Variants in OR2A5 observed in about 807,000 individuals in gnomAD.
OR2A5 encodes the protein olfactory receptor family 2 subfamily A member 5.
OR2A5 carries 2 observed loss-of-function variants against 1.9 expected under a neutral mutation model. That is an observed-to-expected ratio of 1.04 (90% CI 0.43 to 3.28). The LOEUF is 3.28. Among genes scored for constraint, OR2A5 ranks in the 30% most tolerant of loss-of-function variants. The probability of loss-of-function intolerance (pLI) is 0.08; values close to 1 mark genes in which losing one functional copy is unlikely to be tolerated. For missense variants in OR2A5, 391 were observed against 375.9 expected, an observed-to-expected ratio of 1.04 and a Z score of -0.33; for synonymous variants, 160 against 154.5, an observed-to-expected ratio of 1.04 and a Z score of -0.26.
chr7:144,049,785 CA>C, intron 1 of OR2A5, among the ~76,000 whole-genome samples: 1 of 152,198 alleles, frequency 6.6e-6, no homozygotes, highest in East Asian at 1.9e-4. Context: ...GGAAGTAAAA[CA>C]TTTAATGCAA....
In OR2A5 at chr7:144,052,082, CA is replaced by C. The variant is rs1358515214; in HGVS notation, c.*747del. 6.6e-6 allele frequency: 1 copy of C among 152,120 alleles called. No individual in the cohort carries two copies. The highest frequency in any genetic ancestry group is 1.5e-5 in the Non-Finnish European group (1 of 68,036). The allele number at this position is 152,120 out of a possible 1,614,324, so 9.4% of individuals were successfully genotyped here. ...AGATCGCAAAGCCGGGTGTAGGTGA[CA>C]ATTTATCATTACGGTGATTACATAA... On this transcript the variant is annotated 3_prime_UTR_variant, in exon 2 of 2. Coordinates refer to ENST00000641693, the MANE Select transcript of OR2A5 (RefSeq NM_012365.2).
chr7:144,058,395 CAT>C lies in OR2A5; in HGVS notation c.*7059_*7060del, dbSNP rs1396964629. On this transcript the variant is annotated 3_prime_UTR_variant, in exon 2 of 2. Coordinates refer to ENST00000641693, the MANE Select transcript of OR2A5 (RefSeq NM_012365.2). ...TTATACTTTCATTTATTGATGGACA[CAT>C]GTTGTATTAGTCTGTTCTCATGCTG... 6.6e-6 allele frequency: 1 copy of C among 152,016 alleles called. No individual in the cohort carries two copies. Among genetic ancestry groups the C allele is most frequent in the African/African-American group, 2.4e-5 (1 of 41,366 alleles). 9.4% of individuals were successfully genotyped at this position (152,016 alleles called of 1,614,324 possible). A position where few individuals can be genotyped will look rare whatever the true frequency, so the allele number is the denominator to read the frequency against.
rs1249424111 is a variant in OR2A5 at position 144,058,273 on chromosome 7, A to G, written c.*6936A>G. The G allele has an allele frequency of 6.6e-6, 1 of 152,218 alleles. No individual in the cohort carries two copies. Among genetic ancestry groups the G allele is most frequent in the East Asian group, 1.9e-4 (1 of 5,198 alleles). The allele number at this position is 152,218 out of a possible 1,614,324, so 9.4% of individuals were successfully genotyped here. A position where few individuals can be genotyped will look rare whatever the true frequency, so the allele number is the denominator to read the frequency against. ...TGCCTGGCTTGTTTCACTTAAGATA[A>G]TGATCTCTAGTTTCATCCATCTTGT... is the stretch of plus-strand genomic sequence containing the variant. On this transcript the variant is annotated 3_prime_UTR_variant, in exon 2 of 2. Coordinates refer to ENST00000641693, the MANE Select transcript of OR2A5 (RefSeq NM_012365.2).
In OR2A5 at chr7:144,054,293, A is replaced by G. The variant is rs1394115408; in HGVS notation, c.*2956A>G. ...AGATGTGGCTAACAAGGTTTCAGCT[A>G]GGTGCCTTATATAACTTTTATGAAT... On this transcript the variant is annotated 3_prime_UTR_variant, in exon 2 of 2. Transcript: ENST00000641693. The G allele has an allele frequency of 6.6e-6, 1 of 152,236 alleles. No individual in the cohort carries two copies. The highest frequency in any genetic ancestry group is 2.4e-5 in the African/African-American group (1 of 41,458). The allele number at this position is 152,236 out of a possible 1,614,324, so 9.4% of individuals were successfully genotyped here. A position where few individuals can be genotyped will look rare whatever the true frequency, so the allele number is the denominator to read the frequency against.
Position 144,051,248 on chromosome 7 carries a change from C to T in OR2A5, c.847C>T (p.Pro283Ser). The change falls in exon 2 of 2, where the codon CCG becomes TCG. Residue 283 changes from proline to serine, a missense_variant. Pro to Ser is a moderately conservative substitution (Grantham distance 74, BLOSUM62 -1). Transcript: ENST00000641693. ...TTCCCTGTTTTACAGCCTTTTCAAC[C>T]CGATGCTGAACCCCTTGATCTATAG... ...VLSLFYSLFN[P>S]MLNPLIYSLR... 3.1e-6 allele frequency: 5 copies of T among 1,613,916 alleles called. No homozygotes were observed. The highest frequency in any genetic ancestry group is 4.2e-6 in the Non-Finnish European group (5 of 1,179,862).
chr7:144,054,250 T>G lies in OR2A5; in HGVS notation c.*2913T>G, dbSNP rs900639266. The G allele has an allele frequency of 6.6e-6, 1 of 152,190 alleles. No individual in the cohort carries two copies. The highest frequency in any genetic ancestry group is 1.5e-5 in the Non-Finnish European group (1 of 68,034). 9.4% of individuals were successfully genotyped at this position (152,190 alleles called of 1,614,324 possible). A position where few individuals can be genotyped will look rare whatever the true frequency, so the allele number is the denominator to read the frequency against. On this transcript the variant is annotated 3_prime_UTR_variant, in exon 2 of 2. Coordinates refer to ENST00000641693, the MANE Select transcript of OR2A5 (RefSeq NM_012365.2). ...AGGAATAATATAGCCTCCTCAATCC[T>G]GAGTTTTATTTTAGGTCAGATGTGG...
chr7:144,057,482 A>G lies in OR2A5; in HGVS notation c.*6145A>G, dbSNP rs533596686. The stretch of plus-strand genomic sequence containing the variant: ...AGCACAGAACATTAAGGAGGAAAAG[A>G]AAATAATAAAACCTTCAGAGAATAA... On this transcript the variant is annotated 3_prime_UTR_variant, in exon 2 of 2. Coordinates refer to ENST00000641693, the MANE Select transcript of OR2A5 (RefSeq NM_012365.2). 3.3e-5 allele frequency: 5 copies of G among 152,292 alleles called. No homozygotes were observed. Among genetic ancestry groups the G allele is most frequent in the Admixed American group, 2.0e-4 (3 of 15,300 alleles). 9.4% of individuals were successfully genotyped at this position (152,292 alleles called of 1,614,324 possible).
chr7:144,050,302 C>A (rs2050890329), intron 1 of OR2A5, 49 bp from the exon 2 acceptor site: 3 of 773,338 alleles, frequency 3.9e-6, no homozygotes, highest in Admixed American at 5.1e-5. Flanking sequence ...GCACCATAAA[C>A]CCCCTCCTTC....
In OR2A5 at chr7:144,051,077, T is replaced by C. The variant is rs2128797257; in HGVS notation, c.676T>C (p.Leu226=). 6.2e-7 allele frequency: 1 copy of C among 1,614,220 alleles called. No homozygotes were observed. Among genetic ancestry groups the C allele is most frequent in the Non-Finnish European group, 8.5e-7 (1 of 1,180,052 alleles). ...VSYSRILAAI[L]RIQSGEGRRK... is the part of the protein sequence containing the mutation. ...CTACTCGCGCATCCTGGCGGCCATC[T>C]TGAGGATCCAGTCTGGGGAGGGCCG... The change falls in exon 2 of 2, where the codon TTG becomes CTG. Residue 226 remains leucine, a synonymous_variant. Coordinates refer to ENST00000641693, the MANE Select transcript of OR2A5 (RefSeq NM_012365.2).
At chr7:144,049,649 A>G (rs10245721) in intron 1 of OR2A5, among the ~76,000 whole-genome samples, 3,669 of 152,328 alleles carry the variant, frequency 0.024, 142 homozygotes, top group African/African-American at 0.083. Flanking sequence ...AACTCTTCAC[A>G]TAGATAACCA....
In OR2A5 at chr7:144,051,343, G is replaced by A; in HGVS notation, c.*6G>A. On this transcript the variant is annotated 3_prime_UTR_variant, in exon 2 of 2. Transcript: ENST00000641693. The stretch of plus-strand genomic sequence containing the variant: ...GGAAACAGAGATCAAAGTGAGGGAT[G>A]CCAGGGAAAGTCTAGAGGGTTGAAG... 6.3e-7 allele frequency: 1 copy of A among 1,591,018 alleles called. No individual in the cohort carries two copies. The highest frequency in any genetic ancestry group is 8.6e-7 in the Non-Finnish European group (1 of 1,167,814).
In OR2A5 at chr7:144,053,545, G is replaced by A. The variant is rs2050919542; in HGVS notation, c.*2208G>A. ...TCCACTTAATAGATAAGTAAACAAA[G>A]TTCAGAATGATTTAATAACTTATCC... On this transcript the variant is annotated 3_prime_UTR_variant, in exon 2 of 2. Transcript: ENST00000641693. The A allele has an allele frequency of 6.7e-6, 1 of 150,232 alleles. No individual in the cohort carries two copies. Among genetic ancestry groups the A allele is most frequent in the Non-Finnish European group, 1.5e-5 (1 of 67,672 alleles). The allele number at this position is 150,232 out of a possible 1,614,324, so 9.3% of individuals were successfully genotyped here. A position where few individuals can be genotyped will look rare whatever the true frequency, so the allele number is the denominator to read the frequency against.
In OR2A5 at chr7:144,051,005, G is replaced by GC; in HGVS notation, c.605dup (p.Ser203PhefsTer66). 9 of 1,613,988 alleles carry GC rather than the reference G, an allele frequency of 5.6e-6. No homozygotes were observed. Among genetic ancestry groups the GC allele is most frequent in the Non-Finnish European group, 7.6e-6 (9 of 1,179,996 alleles). ...GCTCAACCAGGTGGTCATCTTTGCT[G>GC]CTTCAGTGTTCATCCTGGTGGGGCC... is the stretch of plus-strand genomic sequence containing the variant. On this transcript the variant is annotated frameshift_variant, in exon 2 of 2. Transcript: ENST00000641693. LOFTEE classifies it high-confidence loss of function.
chr7:144,057,919 A>G lies in OR2A5; in HGVS notation c.*6582A>G, dbSNP rs1307203113. 1 of 152,246 alleles carries G rather than the reference A, an allele frequency of 6.6e-6. No individual in the cohort carries two copies. Among genetic ancestry groups the G allele is most frequent in the Non-Finnish European group, 1.5e-5 (1 of 68,044 alleles). 9.4% of individuals were successfully genotyped at this position (152,246 alleles called of 1,614,324 possible). A position where few individuals can be genotyped will look rare whatever the true frequency, so the allele number is the denominator to read the frequency against. ...ACCAATGAATAATTAAATCACGGTAAAGCTCTTGACTTGACTAGAAAGGTG... is the reference window on the plus strand; with the variant it reads ...ACCAATGAATAATTAAATCACGGTAGAGCTCTTGACTTGACTAGAAAGGTG... On this transcript the variant is annotated 3_prime_UTR_variant, in exon 2 of 2. Transcript: ENST00000641693.
chr7:144,053,846 G>T lies in OR2A5; in HGVS notation c.*2509G>T, dbSNP rs552579854. 2.0e-5 allele frequency: 3 copies of T among 152,176 alleles called. No individual in the cohort carries two copies. The highest frequency in any genetic ancestry group is 4.4e-5 in the Non-Finnish European group (3 of 68,042). 9.4% of individuals were successfully genotyped at this position (152,176 alleles called of 1,614,324 possible). ...AAGAGTAGAAACACTCACATTAGCA[G>T]CATCATCATTTTCCAATAGTAACTC... On this transcript the variant is annotated 3_prime_UTR_variant, in exon 2 of 2. Coordinates refer to ENST00000641693, the MANE Select transcript of OR2A5 (RefSeq NM_012365.2).
chr7:144,051,663 T>C lies in OR2A5; in HGVS notation c.*326T>C, dbSNP rs1586880702. The C allele has an allele frequency of 3.7e-6, 1 of 273,594 alleles. No homozygotes were observed. The highest frequency in any genetic ancestry group is 8.3e-5 in the East Asian group (1 of 12,090). 16.9% of individuals were successfully genotyped at this position (273,594 alleles called of 1,614,324 possible). A position where few individuals can be genotyped will look rare whatever the true frequency, so the allele number is the denominator to read the frequency against. ...ATTCCTCTATTATTTCCATCTCTTT[T>C]TGCCATAAGTATATGCTGGTAATCC... On this transcript the variant is annotated 3_prime_UTR_variant, in exon 2 of 2. Coordinates refer to ENST00000641693, the MANE Select transcript of OR2A5 (RefSeq NM_012365.2).
intron 1 of OR2A5, among the ~76,000 whole-genome samples, 171 bp from the exon 2 acceptor site, chr7:144,050,180 T>G (rs1586879422): frequency 6.6e-6 from 1 of 152,222 alleles, no homozygotes; most frequent in South Asian, 2.1e-4. Context: ...CATCACCCTG[T>G]CTGCATTTAC....
At position 144,050,475 on chromosome 7, in the gene OR2A5, T is replaced by A. The variant is rs1178180982; in HGVS notation, c.74T>A (p.Leu25His). 1 of 1,581,702 alleles carries A rather than the reference T, an allele frequency of 6.3e-7. No individual in the cohort carries two copies. Among genetic ancestry groups the A allele is most frequent in the South Asian group, 1.2e-5 (1 of 84,322 alleles). Residue 25 changes from leucine (L) to histidine (H), a missense_variant, in exon 2 of 2, where the codon CTC becomes CAC. Coordinates refer to ENST00000641693, the MANE Select transcript of OR2A5 (RefSeq NM_012365.2). The part of the protein sequence containing the change: ...GFPLSLRIQM[L>H]LSGLFSLLYV... ...CCACTCAGCCTAAGGATTCAGATGCTCCTCTCTGGGCTTTTCTCCCTGTTA... is the reference window on the plus strand; with the variant it reads ...CCACTCAGCCTAAGGATTCAGATGCACCTCTCTGGGCTTTTCTCCCTGTTA...
chr7:144,058,044 C>T lies in OR2A5; in HGVS notation c.*6707C>T, dbSNP rs1007582158. The T allele has an allele frequency of 1.3e-5, 2 of 152,210 alleles. No individual in the cohort carries two copies. The highest frequency in any genetic ancestry group is 2.9e-5 in the Non-Finnish European group (2 of 68,048). The allele number at this position is 152,210 out of a possible 1,614,324, so 9.4% of individuals were successfully genotyped here. On this transcript the variant is annotated 3_prime_UTR_variant, in exon 2 of 2. Coordinates refer to ENST00000641693, the MANE Select transcript of OR2A5 (RefSeq NM_012365.2). ...ACATTTGCCATCTTTGAGCCCCCCACCTCTGCTGCAGTTGTAGCAGGCAAT... is the reference window on the plus strand; with the variant it reads ...ACATTTGCCATCTTTGAGCCCCCCATCTCTGCTGCAGTTGTAGCAGGCAAT...
Sources: allele counts gnomAD v4.1 joint callset (sites outside exome capture counted in the v4.1 genomes callset), GRCh38; gene constraint gnomAD v4.1.1; transcripts MANE v1.5; gene names NCBI Gene and HGNC (gene_info 2026-07-23, HGNC 2026-07-21).